EVA1A: variants seen among roughly 807,000 people sequenced by gnomAD.
EVA1A encodes eva-1 homolog A, regulator of programmed cell death, also known as protein eva-1 homolog A.
A neutral mutation model predicts 9.8 loss-of-function variants in EVA1A; 7 were observed. The ratio of observed to expected loss-of-function variants is 0.71; its 90% CI spans 0.41 to 1.34. EVA1A has a LOEUF of 1.34. EVA1A is among the 40% of genes most tolerant of loss of function. The probability of loss-of-function intolerance (pLI) is 0.01; values close to 1 mark genes in which losing one functional copy is unlikely to be tolerated. For missense variants in EVA1A, 206 were observed against 205.9 expected (o/e 1.00, Z 0.00); for synonymous variants, 90 against 85.6 (o/e 1.05, Z -0.28).
At chr2:75,543,669 G>T (rs1295884781) in intron 1 of EVA1A, among the ~76,000 whole-genome samples, 1 of 152,120 alleles carries the variant, frequency 6.6e-6, no homozygotes, top group Non-Finnish European at 1.5e-5. Flanking sequence ...TGGGGAGGTG[G>T]GCGGCTTCTA....
intron 3 of EVA1A, among the ~76,000 whole-genome samples, chr2:75,494,951 AC>A (rs1207338779): frequency 2.6e-5 from 4 of 152,006 alleles, no homozygotes; most frequent in African/African-American, 9.7e-5. Context: ...CCTAGTTGTG[AC>A]CCCTGTAAGA....
In EVA1A at chr2:75,497,277, T is replaced by C. The variant is rs144280241; in HGVS notation, c.86-3668A>G. ...CCTACAGAATGGGAGAAAATATTCC[T>C]AAATTATGCATCTGACAAAGTCCTA... On this transcript the variant is annotated intron_variant, in intron 3 of 3. Transcript: ENST00000393913. Among the ~76,000 whole-genome samples, 3 of 152,238 alleles carry C rather than the reference T, an allele frequency of 2.0e-5. No homozygotes were observed. The East Asian group carries it at 5.8e-4, about 29-fold the overall frequency.
chr2:75,531,323 C>A (rs1171082622), intron 1 of EVA1A, among the ~76,000 whole-genome samples: 1 of 152,170 alleles, frequency 6.6e-6, no homozygotes, highest in Admixed American at 6.5e-5. Context: ...ACCAGTACGA[C>A]CACTATACGA....
chr2:75,523,958 G>A (rs895937132), intron 1 of EVA1A: 1 of 152,122 alleles, frequency 6.6e-6, no homozygotes, highest in African/African-American at 2.4e-5. Context: ...CCAGCTGGGG[G>A]GTAATTGAAT....
chr2:75,530,599 T>C (rs1350493590), intron 1 of EVA1A, among the ~76,000 whole-genome samples: 2 of 152,098 alleles, frequency 1.3e-5, no homozygotes, highest in Non-Finnish European at 2.9e-5. Context: ...TGGTTTAACA[T>C]ACACAAGTCA....
At chr2:75,517,881 C>G in intron 3 of EVA1A, 175 bp downstream of exon 3, 1 of 786,034 alleles carries the variant, frequency 1.3e-6, no homozygotes, top group African/African-American at 1.7e-5. Flanking sequence ...TAGAGAATGA[C>G]AAGCTTAACT....
intron 1 of EVA1A, among the ~76,000 whole-genome samples, chr2:75,531,730 G>T (rs930294602): frequency 2.0e-5 from 3 of 152,250 alleles, no homozygotes; most frequent in African/African-American, 7.2e-5. Flanking sequence ...AAAGGCATAA[G>T]AATAATACAG....
intron 1 of EVA1A, among the ~76,000 whole-genome samples, chr2:75,555,472 T>C (rs1486512956): frequency 6.6e-6 from 1 of 152,092 alleles, no homozygotes; most frequent in African/African-American, 2.4e-5. Context: ...GCCACTCACA[T>C]AGCTCATCAG....
rs375028969 is a variant in EVA1A at position 75,499,341 on chromosome 2, T to A, written c.86-5732A>T. Among the ~76,000 whole-genome samples, 284 of 152,144 alleles carry A rather than the reference T, an allele frequency of 1.9e-3. 6 individuals are homozygous for A. The highest frequency in any genetic ancestry group is 6.6e-3 in the African/African-American group (275 of 41,516). ...AATTGAGCACAACCGAGTGAAATAA[T>A]GGAAGTGGGCATGAGGCACCACTGG... is the stretch of plus-strand genomic sequence containing the variant. On this transcript the variant is annotated intron_variant, in intron 3 of 3. Coordinates refer to ENST00000393913, the MANE Select transcript of EVA1A (RefSeq NM_001135032.2).
chr2:75,560,792 G>C lies in EVA1A; in HGVS notation c.-304C>G, dbSNP rs1286289695. 1 of 152,760 alleles carries C rather than the reference G, an allele frequency of 6.5e-6. No homozygotes were observed. The highest frequency in any genetic ancestry group is 2.4e-5 in the African/African-American group (1 of 41,466). 9.5% of individuals were successfully genotyped at this position (152,760 alleles called of 1,614,324 possible). ...GGCGGACACGACAAAGCGCTGCCCG[G>C]GTCTTGGGCCGGCACCAGTACCTCG... On this transcript the variant is annotated 5_prime_UTR_variant, in exon 1 of 4. Transcript: ENST00000393913.
chr2:75,529,250 A>G (rs1307478602), intron 1 of EVA1A, among the ~76,000 whole-genome samples: 3 of 152,188 alleles, frequency 2.0e-5, no homozygotes, highest in Admixed American at 6.5e-5. Context: ...TTTATAAGAC[A>G]ATTACCACCT....
At chr2:75,525,604 T>G (rs1359421939) in intron 1 of EVA1A, among the ~76,000 whole-genome samples, 1 of 152,204 alleles carries the variant, frequency 6.6e-6, no homozygotes. Context: ...GGCACATAAG[T>G]GCTTTAAAAC....
At chr2:75,498,079 C>A (rs991075311) in intron 3 of EVA1A, among the ~76,000 whole-genome samples, 1 of 152,026 alleles carries the variant, frequency 6.6e-6, no homozygotes, top group Admixed American at 6.6e-5. Flanking sequence ...TGGAATCAAC[C>A]TAGGTGCCCA....
chr2:75,554,990 G>A (rs1215701837), intron 1 of EVA1A, among the ~76,000 whole-genome samples: 1 of 152,194 alleles, frequency 6.6e-6, no homozygotes, highest in African/African-American at 2.4e-5. Flanking sequence ...TTCCATGCTA[G>A]AGCATTCATT....
chr2:75,553,733 C>G (rs892941183), intron 1 of EVA1A, among the ~76,000 whole-genome samples: 1 of 152,188 alleles, frequency 6.6e-6, no homozygotes, highest in Admixed American at 6.5e-5. Context: ...TACAGTGCAC[C>G]CTGCTTTTGA....
chr2:75,569,231 C>G (rs1200878891), intron 1 of EVA1A, among the ~76,000 whole-genome samples: 1 of 151,744 alleles, frequency 6.6e-6, no homozygotes. Flanking sequence ...TTTTCATAAC[C>G]AAACTTCTCA....
intron 3 of EVA1A, among the ~76,000 whole-genome samples, chr2:75,508,116 A>C (rs1362078212): frequency 1.3e-5 from 2 of 152,136 alleles, no homozygotes; most frequent in African/African-American, 4.8e-5. Flanking sequence ...TCAGCTGAGG[A>C]GGATGTATGT....
chr2:75,532,690 A>G (rs1675711261), intron 1 of EVA1A, among the ~76,000 whole-genome samples: 2 of 152,230 alleles, frequency 1.3e-5, no homozygotes, highest in African/African-American at 4.8e-5. Context: ...AAGAGGAAGA[A>G]GAGGAACTGA....
intron 1 of EVA1A, among the ~76,000 whole-genome samples, chr2:75,528,215 T>G (rs1477597617): frequency 6.6e-6 from 1 of 152,144 alleles, no homozygotes; most frequent in Non-Finnish European, 1.5e-5. Flanking sequence ...CTGAACTTTG[T>G]AATAATTTTG....
Sources: gnomAD v4.1 joint callset for allele counts (sites outside exome capture counted in the v4.1 genomes callset) on GRCh38, gnomAD v4.1.1 for gene constraint, MANE v1.5 for transcripts, NCBI Gene and HGNC (gene_info 2026-07-23, HGNC 2026-07-21) for gene names.